Variants in SCARA5 observed in about 807,000 individuals in gnomAD.
SCARA5 encodes scavenger receptor class A member 5.
In SCARA5, 45 loss-of-function variants were observed where a neutral mutation model predicts 46.3. That is an observed-to-expected ratio of 0.97 (90% CI 0.76 to 1.24). The LOEUF is 1.24. Ranked by LOEUF, SCARA5 falls within the 50% of genes most tolerant of loss-of-function variation. The pLI is 0.00. For missense variants in SCARA5, 680 were observed against 689.0 expected (o/e 0.99, Z 0.15); for synonymous variants, 333 against 306.5 (o/e 1.09, Z -0.90).
intron 3 of SCARA5, among the ~76,000 whole-genome samples, chr8:27,949,006 G>T (rs1808081088): frequency 6.6e-6 from 1 of 152,268 alleles, no homozygotes; most frequent in African/African-American, 2.4e-5. Context: ...CCCACAATTG[G>T]CTTGGTGCTA....
chr8:27,937,237 G>A, intron 3 of SCARA5, among the ~76,000 whole-genome samples: 1 of 152,104 alleles, frequency 6.6e-6, no homozygotes, highest in East Asian at 1.9e-4. Context: ...AACCCGGCAG[G>A]GCTCACCCCA....
At chr8:27,980,592 G>A (rs778298655) in intron 2 of SCARA5, among the ~76,000 whole-genome samples, 10 of 152,158 alleles carry the variant, frequency 6.6e-5, no homozygotes, top group African/African-American at 9.7e-5. Flanking sequence ...CGCCCCTGGT[G>A]CCTCTGTACC....
At chr8:27,977,145 G>A (rs921166436) in intron 2 of SCARA5, among the ~76,000 whole-genome samples, 1 of 152,292 alleles carries the variant, frequency 6.6e-6, no homozygotes, top group African/African-American at 2.4e-5. Flanking sequence ...AGCCGCTGGG[G>A]TCCCTTTTAT....
At chr8:27,893,374 C>G (rs1038038394) in intron 7 of SCARA5, among the ~76,000 whole-genome samples, 1 of 152,184 alleles carries the variant, frequency 6.6e-6, no homozygotes, top group Admixed American at 6.5e-5. Context: ...CACGCTTGAG[C>G]TCCTAGTGCA....
chr8:27,978,387 G>T (rs577476802), intron 2 of SCARA5, among the ~76,000 whole-genome samples: 18 of 152,140 alleles, frequency 1.2e-4, no homozygotes, highest in Non-Finnish European at 2.2e-4. Context: ...AAAATTTCAT[G>T]TGTGGCTCAC....
chr8:27,874,743 G>T (rs1286412410), intron 8 of SCARA5, among the ~76,000 whole-genome samples: 1 of 152,178 alleles, frequency 6.6e-6, no homozygotes, highest in Non-Finnish European at 1.5e-5. Context: ...TCCTAATTTT[G>T]TCTGCCTGTT....
intron 3 of SCARA5, among the ~76,000 whole-genome samples, chr8:27,946,145 A>G (rs573676566): frequency 1.3e-5 from 2 of 152,368 alleles, no homozygotes; most frequent in East Asian, 1.9e-4. Context: ...GAAGTCGTGG[A>G]TGAGCAATTA....
At chr8:27,960,408 C>T (rs1808276469) in intron 3 of SCARA5, among the ~76,000 whole-genome samples, 1 of 152,142 alleles carries the variant, frequency 6.6e-6, no homozygotes, top group Admixed American at 6.5e-5. Context: ...AACTTTTAGG[C>T]TCAAGCAATC....
intron 3 of SCARA5, among the ~76,000 whole-genome samples, chr8:27,938,777 A>G (rs1807895708): frequency 6.6e-6 from 1 of 152,162 alleles, no homozygotes; most frequent in African/African-American, 2.4e-5. Context: ...TTCACTTTGT[A>G]CACACCCTTT....
At chr8:27,940,378 G>A (rs1373677629) in intron 3 of SCARA5, among the ~76,000 whole-genome samples, 2 of 152,156 alleles carry the variant, frequency 1.3e-5, no homozygotes, top group African/African-American at 4.8e-5. Context: ...TGGACTCACA[G>A]TGCAGTAAGA....
intron 3 of SCARA5, among the ~76,000 whole-genome samples, chr8:27,948,969 G>A (rs1236943704): frequency 1.3e-5 from 2 of 152,286 alleles, no homozygotes; most frequent in Non-Finnish European, 2.9e-5. Flanking sequence ...TGGCCAGGCT[G>A]AATGAACGAA....
At chr8:27,991,760 C>T (rs761553088) in intron 1 of SCARA5, among the ~76,000 whole-genome samples, 1 of 152,120 alleles carries the variant, frequency 6.6e-6, no homozygotes, top group African/African-American at 2.4e-5. Context: ...TAAATCATAA[C>T]CCAAAGCTGG....
chr8:27,914,842 A>G (rs1375493848), intron 4 of SCARA5, among the ~76,000 whole-genome samples: 1 of 152,202 alleles, frequency 6.6e-6, no homozygotes, highest in Non-Finnish European at 1.5e-5. Context: ...CAGTGGGACG[A>G]AGGGTCTGGG....
chr8:27,984,584 CCATT>C (rs1178138667), intron 2 of SCARA5, among the ~76,000 whole-genome samples: 2 of 151,932 alleles, frequency 1.3e-5, no homozygotes, highest in Non-Finnish European at 2.9e-5. Context: ...ATTCACCCAT[CCATT>C]CATTCATCCA....
intron 7 of SCARA5, among the ~76,000 whole-genome samples, chr8:27,895,189 T>A (rs1405730878): frequency 6.6e-6 from 1 of 152,166 alleles, no homozygotes; most frequent in Non-Finnish European, 1.5e-5. Flanking sequence ...AGGCTCTGAT[T>A]TTCTGCAGCT....
In SCARA5 at chr8:27,907,311, T is replaced by C. The variant is rs572530510; in HGVS notation, c.998-65A>G. On this transcript the variant is annotated intron_variant, in intron 5 of 8. Transcript: ENST00000354914. ...GAACAGGAAGGACCCTCAGAGGTCA[T>C]CGTCGGGTTCAAGGCTCAGCCTCCC... 7.4e-6 allele frequency: 9 copies of C among 1,215,346 alleles called. No individual in the cohort carries two copies. In the East Asian group the frequency reaches 1.5e-4, roughly 20 times the overall value. The allele number at this position is 1,215,346 out of a possible 1,614,324, so 75.3% of individuals were successfully genotyped here. A position where few individuals can be genotyped will look rare whatever the true frequency, so the allele number is the denominator to read the frequency against.
In SCARA5 at chr8:27,921,835, C is replaced by A; in HGVS notation, c.652G>T (p.Glu218Ter). ...GLARRVGILG[E>*]ELADVGGVLR... ...ACGCCGCCCACGTCGGCCAGCTCCT[C>A]GCCCAGGATGCCCACCCTGCGCGCC... The change falls in exon 4 of 9, where the codon GAG becomes TAG. Residue 218 changes from glutamate (E) to a stop codon, truncating the protein, a stop_gained. Coordinates refer to ENST00000354914, the MANE Select transcript of SCARA5 (RefSeq NM_173833.6). LOFTEE classifies it high-confidence loss of function. 1.9e-6 allele frequency: 3 copies of A among 1,543,250 alleles called. No homozygotes were observed. Among genetic ancestry groups the A allele is most frequent in the Non-Finnish European group, 2.6e-6 (3 of 1,150,776 alleles).
intron 2 of SCARA5, among the ~76,000 whole-genome samples, chr8:27,975,226 T>A (rs1277021989): frequency 2.6e-5 from 4 of 152,180 alleles, no homozygotes. Flanking sequence ...GTGCAGAGGT[T>A]CCTGGAGGGC....
chr8:27,873,982 G>A (rs568830167), intron 8 of SCARA5, among the ~76,000 whole-genome samples: 31 of 152,306 alleles, frequency 2.0e-4, no homozygotes, highest in African/African-American at 7.2e-4. Context: ...CCCGTGAGGC[G>A]GAGGTTACAG....
Sources: gnomAD v4.1 joint callset for allele counts (sites outside exome capture counted in the v4.1 genomes callset) on GRCh38, gnomAD v4.1.1 for gene constraint, MANE v1.5 for transcripts, NCBI Gene and HGNC (gene_info 2026-07-23, HGNC 2026-07-21) for gene names.